NGF: variants seen among roughly 807,000 people sequenced by gnomAD.
NGF encodes beta-nerve growth factor.
NGF carries 4 observed loss-of-function variants against 12.8 expected under a neutral mutation model. That is an observed-to-expected ratio of 0.31 (90% CI 0.15 to 0.72). The LOEUF is 0.72. Ranked by LOEUF, NGF falls within the 30% of genes least tolerant of loss-of-function variation. The pLI is 0.69. For missense variants in NGF, 283 were observed against 330.8 expected, an observed-to-expected ratio of 0.86 and a Z score of 1.12; for synonymous variants, 140 against 130.0, an observed-to-expected ratio of 1.08 and a Z score of -0.52.
chr1:115,317,749 TG>T (rs1654510209), intron 1 of NGF, among the ~76,000 whole-genome samples: 1 of 152,250 alleles, frequency 6.6e-6, no homozygotes, highest in Non-Finnish European at 1.5e-5. Flanking sequence ...CCTTGCTCAC[TG>T]TGTAACTTGA....
intron 1 of NGF, among the ~76,000 whole-genome samples, chr1:115,311,027 T>C (rs1389923282): frequency 1.3e-5 from 2 of 152,142 alleles, no homozygotes; most frequent in African/African-American, 2.4e-5. Flanking sequence ...AAGTAGGTAT[T>C]CTATTTTGGG....
At chr1:115,301,492 A>T (rs1415645455) in intron 1 of NGF, among the ~76,000 whole-genome samples, 2 of 152,216 alleles carry the variant, frequency 1.3e-5, no homozygotes, top group African/African-American at 4.8e-5. Context: ...ATTTGGCCAG[A>T]ATCAGGCAGC....
intron 1 of NGF, among the ~76,000 whole-genome samples, chr1:115,326,711 G>A (rs1252787166): frequency 6.6e-6 from 1 of 152,146 alleles, no homozygotes; most frequent in East Asian, 1.9e-4. Flanking sequence ...TGGACCAGGA[G>A]GAGCCAGAAC....
intron 1 of NGF, among the ~76,000 whole-genome samples, chr1:115,303,128 C>T (rs1654091367): frequency 6.6e-6 from 1 of 152,098 alleles, no homozygotes; most frequent in South Asian, 2.1e-4. Context: ...ACCAGTAGAA[C>T]ACTGTGTATC....
At chr1:115,321,460 C>T (rs1311847968) in intron 1 of NGF, among the ~76,000 whole-genome samples, 1 of 151,800 alleles carries the variant, frequency 6.6e-6, no homozygotes, top group East Asian at 1.9e-4. Context: ...GAATTATTTC[C>T]CATTATTCTT....
chr1:115,293,116 A>T (rs1279977696), intron 2 of NGF, among the ~76,000 whole-genome samples: 1 of 152,152 alleles, frequency 6.6e-6, no homozygotes, highest in Non-Finnish European at 1.5e-5. Flanking sequence ...TATTATTCCT[A>T]TTTTAACAAT....
chr1:115,312,703 T>C (rs1654366592), intron 1 of NGF, among the ~76,000 whole-genome samples: 1 of 152,202 alleles, frequency 6.6e-6, no homozygotes. Flanking sequence ...GTCTACTTAA[T>C]AGGTGAATGA....
intron 1 of NGF, among the ~76,000 whole-genome samples, chr1:115,319,703 A>T (rs1423659755): frequency 6.6e-6 from 1 of 152,184 alleles, no homozygotes; most frequent in Non-Finnish European, 1.5e-5. Context: ...CAAACAAAAA[A>T]TTGCAGCAGT....
intron 1 of NGF, among the ~76,000 whole-genome samples, chr1:115,315,536 A>G (rs1196153569): frequency 2.0e-5 from 3 of 152,166 alleles, no homozygotes; most frequent in African/African-American, 7.2e-5. Context: ...GAGATGGAGA[A>G]CACTGAAGGA....
intron 1 of NGF, among the ~76,000 whole-genome samples, chr1:115,297,733 A>G (rs1653914726): frequency 6.6e-6 from 1 of 152,096 alleles, no homozygotes; most frequent in Non-Finnish European, 1.5e-5. Context: ...CATTCTGTCT[A>G]CCTCACTGGC....
intron 1 of NGF, among the ~76,000 whole-genome samples, chr1:115,294,881 C>T (rs565713913): frequency 6.6e-6 from 1 of 152,262 alleles, no homozygotes; most frequent in African/African-American, 2.4e-5. Flanking sequence ...ATGGTTTTAT[C>T]CTCAGGATAT....
At chr1:115,320,066 A>T (rs1271806912) in intron 1 of NGF, among the ~76,000 whole-genome samples, 1 of 152,166 alleles carries the variant, frequency 6.6e-6, no homozygotes, top group Non-Finnish European at 1.5e-5. Flanking sequence ...GGTCCAAGTC[A>T]CTTGTTGACA....
chr1:115,337,267 G>GTTTGTTTTT lies in NGF; in HGVS notation c.-137+936_-137+937insAAAAACAAA. Among the ~76,000 whole-genome samples the GTTTGTTTTT allele has an allele frequency of 4.2e-4, 34 of 81,028 alleles. 1 individual carries two copies. The highest frequency in any genetic ancestry group is 6.9e-4 in the African/African-American group (13 of 18,894). 53.2% of individuals were successfully genotyped at this position (81,028 alleles called of 152,430 possible). ...TCGAAATTTTTTTTGTTTTGTTTTT[G>GTTTGTTTTT]TTTTTTTTTTTTTTTTTTTTTTTTT... On this transcript the variant is annotated intron_variant, in intron 1 of 2. Coordinates refer to ENST00000369512, the MANE Select transcript of NGF (RefSeq NM_002506.3).
Position 115,300,170 on chromosome 1 carries a change from A to G in NGF, c.-136-6420T>C, listed in dbSNP as rs76016886. Among the ~76,000 whole-genome samples the G allele has an allele frequency of 3.8e-3, 585 of 152,344 alleles. 1 individual carries two copies. The highest frequency in any genetic ancestry group is 6.0e-3 in the Non-Finnish European group (409 of 68,032). ...TATGTTTTCTAAGCAATAGGTCAAG[A>G]AATGTTACAACACATAAGACTATAA... On this transcript the variant is annotated intron_variant, in intron 1 of 2. Transcript: ENST00000369512.
chr1:115,322,550 A>C (rs1400485838), intron 1 of NGF, among the ~76,000 whole-genome samples: 13 of 152,148 alleles, frequency 8.5e-5, no homozygotes, highest in Non-Finnish European at 1.8e-4. Context: ...ATAGTGCCTT[A>C]GGAACCCAGG....
At chr1:115,309,400 A>T (rs1480438933) in intron 1 of NGF, among the ~76,000 whole-genome samples, 3 of 152,318 alleles carry the variant, frequency 2.0e-5, no homozygotes, top group Admixed American at 2.0e-4. Context: ...ATATTTTATA[A>T]ATATTTTGAA....
chr1:115,336,914 G>A (rs983512820), intron 1 of NGF, among the ~76,000 whole-genome samples: 1 of 152,196 alleles, frequency 6.6e-6, no homozygotes, highest in Admixed American at 6.5e-5. Flanking sequence ...TGTGCCCAGA[G>A]GATGGAGCCA....
Position 115,314,480 on chromosome 1 carries a change from T to C in NGF, c.-136-20730A>G, listed in dbSNP as rs146221744. ...CTTTGGGCACGCTTCTTGTAGATGA[T>C]ATGAACTGGATTTAAGTCACAAAAT... is the stretch of plus-strand genomic sequence containing the variant. On this transcript the variant is annotated intron_variant, in intron 1 of 2. Transcript: ENST00000369512. Among the ~76,000 whole-genome samples, 507 of 152,328 alleles carry C rather than the reference T, an allele frequency of 3.3e-3. 2 individuals are homozygous for C. Among genetic ancestry groups the C allele is most frequent in the Middle Eastern group, 6.8e-3 (2 of 294 alleles).
In NGF at chr1:115,337,267, G is replaced by GTTTTTTTTTTTTTTTTTTTTTT. The variant is rs67307707; in HGVS notation, c.-137+915_-137+936dup. On this transcript the variant is annotated intron_variant, in intron 1 of 2. Coordinates refer to ENST00000369512, the MANE Select transcript of NGF (RefSeq NM_002506.3). ...TCGAAATTTTTTTTGTTTTGTTTTTGTTTTTTTTTTTTTTTTTTTTTTTTT... is the reference window on the plus strand; with the variant it reads ...TCGAAATTTTTTTTGTTTTGTTTTTGTTTTTTTTTTTTTTTTTTTTTTTTTTTTTTTTTTTTTTTTTTTTTTT... 1.6e-4 allele frequency among the ~76,000 whole-genome samples: 13 copies of GTTTTTTTTTTTTTTTTTTTTTT among 81,030 alleles called. 1 individual carries two copies. The highest frequency in any genetic ancestry group is 7.3e-4 in the East Asian group (2 of 2,722). 53.2% of individuals were successfully genotyped at this position (81,030 alleles called of 152,430 possible). A position where few individuals can be genotyped will look rare whatever the true frequency, so the allele number is the denominator to read the frequency against.
Sources: gnomAD v4.1 joint callset for allele counts (sites outside exome capture counted in the v4.1 genomes callset) on GRCh38, gnomAD v4.1.1 for gene constraint, MANE v1.5 for transcripts, NCBI Gene and HGNC (gene_info 2026-07-23, HGNC 2026-07-21) for gene names.